MYH3: variants seen among roughly 807,000 people sequenced by gnomAD.
MYH3 encodes the protein myosin-3.
In MYH3, 130 loss-of-function variants were observed where a neutral mutation model predicts 238.0. The ratio of observed to expected loss-of-function variants is 0.55; its 90% CI spans 0.47 to 0.63. The LOEUF is 0.63. Among genes scored for constraint, MYH3 ranks in the 30% least tolerant of loss-of-function variants. MYH3 has a pLI of 0.00. For synonymous variants in MYH3, 880 were observed against 924.1 expected, an observed-to-expected ratio of 0.95 and a Z score of 0.86; for missense variants, 1,853 against 2,374.9, an observed-to-expected ratio of 0.78 and a Z score of 4.57.
chr17:10,663,200 G>T, the MYH3 span, among the ~76,000 whole-genome samples: 1 of 152,314 alleles, frequency 6.6e-6, no homozygotes, highest in Non-Finnish European at 1.5e-5. Context: ...GATACAGATG[G>T]AGACAGCCTG....
intron 36 of MYH3, 107 bp from the exon 37 acceptor site, chr17:10,630,565 A>C (rs2074145953): frequency 3.2e-6 from 5 of 1,541,134 alleles, no homozygotes; most frequent in Non-Finnish European, 4.5e-6. Context: ...AAGAAAAAGG[A>C]CAGGCCAGGC....
In MYH3 at chr17:10,638,037, C is replaced by G; in HGVS notation, c.3729+6G>C. 6.2e-7 allele frequency: 1 copy of G among 1,614,022 alleles called. No individual in the cohort carries two copies. The highest frequency in any genetic ancestry group is 8.5e-7 in the Non-Finnish European group (1 of 1,180,014). ...AGCCTTGAGCCACCCCCACCCCGCG[C>G]AGCACCTTAGATTTCGACACACTCT... On this transcript the variant is annotated splice_donor_region_variant and intron_variant, in intron 27 of 40. Transcript: ENST00000583535.
chr17:10,648,159 C>T (rs1384985497), intron 8 of MYH3, among the ~76,000 whole-genome samples: 3 of 152,108 alleles, frequency 2.0e-5, no homozygotes, highest in Non-Finnish European at 4.4e-5. Flanking sequence ...GGCCCCCCTG[C>T]CCTCCTCCCT....
At chr17:10,639,001 C>A in intron 25 of MYH3, 38 bp from the exon 26 acceptor site, 3 of 1,614,144 alleles carry the variant, frequency 1.9e-6, no homozygotes, top group Non-Finnish European at 2.5e-6. Context: ...AGACAAAATA[C>A]ACAGTAACTT....
At position 10,630,289 on chromosome 17, in the gene MYH3, C is replaced by T; in HGVS notation, c.5456G>A (p.Arg1819Lys). ...AGGCGGGGTTCCTCCTGCACACACC[C>T]TGGTCTCCAGTTTCTGGATCTGCTT... Reference protein sequence around the residue: ...GKKQIQKLETRIRELEFELEG... With the variant: ...GKKQIQKLETKIRELEFELEG... The change falls in exon 37 of 41, where the codon AGG becomes AAG. Residue 1819 changes from arginine (R) to lysine (K), a missense_variant and splice_region_variant. By Grantham distance (26) the Arg-to-Lys change is conservative (BLOSUM62 2). Around this residue, in one of 3 missense-constraint regions of MYH3, gnomAD observed 1,044 missense variants for 1,192.6 expected, o/e 0.88. Coordinates refer to ENST00000583535, the MANE Select transcript of MYH3 (RefSeq NM_002470.4). The T allele has an allele frequency of 6.2e-7, 1 of 1,614,218 alleles. No individual in the cohort carries two copies. Among genetic ancestry groups the T allele is most frequent in the Non-Finnish European group, 8.5e-7 (1 of 1,180,040 alleles).
Position 10,640,308 on chromosome 17 carries a change from T to C in MYH3, c.2426+25A>G, listed in dbSNP as rs199617926. On this transcript the variant is annotated intron_variant, in intron 21 of 40. Coordinates refer to ENST00000583535, the MANE Select transcript of MYH3 (RefSeq NM_002470.4). Reference sequence around the variant, plus strand: ...AGACTCCCCTTCCCCAAAGAGCTCATGTCTGAACAAAGACCCTGCTGGACC... The same window carrying C: ...AGACTCCCCTTCCCCAAAGAGCTCACGTCTGAACAAAGACCCTGCTGGACC... 8 of 1,614,260 alleles carry C rather than the reference T, an allele frequency of 5.0e-6. No homozygotes were observed. The East Asian group carries it at 1.3e-4, about 27-fold the overall frequency.
rs753522046 is a variant in MYH3, at chr17:10,644,503, A to G, written c.1261-3T>C. On this transcript the variant is annotated splice_region_variant and splice_polypyrimidine_tract_variant and intron_variant, in intron 13 of 40. Transcript: ENST00000583535. ...AGAGCATTCACAGCATGGTGAACCT[A>G]TCAGGGGAAAGATCAGCTACTGGAT... The G allele has an allele frequency of 1.2e-5, 19 of 1,614,052 alleles. No individual in the cohort carries two copies. Among genetic ancestry groups the G allele is most frequent in the South Asian group, 4.4e-5 (4 of 91,088 alleles).
upstream of MYH3, among the ~76,000 whole-genome samples, chr17:10,659,568 C>T (rs77485025): frequency 0.17 from 26,327 of 152,114 alleles, 2,842 homozygotes; most frequent in Non-Finnish European, 0.24. Flanking sequence ...CAGAGTGCTC[C>T]ACATGGAGAT....
intron 28 of MYH3, among the ~76,000 whole-genome samples, chr17:10,637,511 A>AGTCT (rs1257158306): frequency 4.6e-5 from 7 of 152,264 alleles, no homozygotes; most frequent in Middle Eastern, 3.4e-3. Context: ...TGCCCATCAG[A>AGTCT]GTCTGTCTGA....
At chr17:10,659,562 G>A (rs1057085163), upstream of MYH3, among the ~76,000 whole-genome samples, 1 of 152,198 alleles carries the variant, frequency 6.6e-6, no homozygotes, top group Non-Finnish European at 1.5e-5. Context: ...AACTTCCAGA[G>A]TGCTCCACAT....
At position 10,654,233 on chromosome 17, in the gene MYH3, CTT is replaced by C. The variant is rs1443975198; in HGVS notation, c.204+626_204+627del. Among the ~76,000 whole-genome samples the C allele has an allele frequency of 6.7e-6, 1 of 150,198 alleles. No individual in the cohort carries two copies. The highest frequency in any genetic ancestry group is 2.1e-4 in the South Asian group (1 of 4,746). On this transcript the variant is annotated intron_variant, in intron 3 of 40. Coordinates refer to ENST00000583535, the MANE Select transcript of MYH3 (RefSeq NM_002470.4). This position sits in a 1 kb window ranked among gnomAD's most constrained non-coding sequence, Gnocchi z 4.5. ...TCCTTCCCTCCATCTCTCTTTCACT[CTT>C]TCTTTCTTTTTTCCTTTTTTTGCTT... is the stretch of plus-strand genomic sequence containing the variant.
rs894606631 is a variant in MYH3 at position 10,639,590 on chromosome 17, A to C, written c.2895T>G (p.Val965=). ...TCTCTGTGGCATGCTTCTCCTTCTC[A>C]ACCTTGGCCAGGGTCAACTCAAGGT... ...IDDLELTLAK[V]EKEKHATENK... is the part of the protein sequence containing the mutation. Residue 965 remains valine, a synonymous_variant, in exon 23 of 41, where the codon GTT becomes GTG. Coordinates refer to ENST00000583535, the MANE Select transcript of MYH3 (RefSeq NM_002470.4). 6.2e-7 allele frequency: 1 copy of C among 1,614,126 alleles called. No homozygotes were observed. Among genetic ancestry groups the C allele is most frequent in the Non-Finnish European group, 8.5e-7 (1 of 1,180,028 alleles).
chr17:10,641,740 T>C (rs1449259687), intron 17 of MYH3, among the ~76,000 whole-genome samples: 1 of 152,156 alleles, frequency 6.6e-6, no homozygotes, highest in African/African-American at 2.4e-5. Context: ...GGTCTCGATC[T>C]TCTGACCTTG....
At chr17:10,663,829 G>A in the MYH3 span, among the ~76,000 whole-genome samples, 519 of 152,182 alleles carry the variant, frequency 3.4e-3, 3 homozygotes, top group African/African-American at 0.012. Context: ...TTGGGAGGCC[G>A]AGACAGGTGG....
At chr17:10,662,502 C>T in the MYH3 span, among the ~76,000 whole-genome samples, 9 of 152,148 alleles carry the variant, frequency 5.9e-5, no homozygotes, top group African/African-American at 1.9e-4. Flanking sequence ...AAGTAGTAGA[C>T]AATATGCAAA....
chr17:10,632,132 TTTG>T, intron 34 of MYH3, 116 bp from the exon 35 acceptor site: 1 of 1,334,782 alleles, frequency 7.5e-7, no homozygotes, highest in Non-Finnish European at 1.0e-6. Context: ...TTTTGTTTTG[TTTG>T]TTTTGAGACA....
the MYH3 span, among the ~76,000 whole-genome samples, chr17:10,664,503 G>C: frequency 6.6e-6 from 1 of 152,196 alleles, no homozygotes; most frequent in African/African-American, 2.4e-5. Context: ...AAGCTGGAAA[G>C]TTTGCAAAGT....
chr17:10,657,632 C>A (rs2074447040), upstream of MYH3, among the ~76,000 whole-genome samples: 2 of 152,012 alleles, frequency 1.3e-5, no homozygotes, highest in African/African-American at 4.8e-5. Flanking sequence ...GCTCATCACA[C>A]CCTGAACGCG....
intron 8 of MYH3, 38 bp downstream of exon 8, chr17:10,648,519 C>A: frequency 6.4e-7 from 1 of 1,563,722 alleles, no homozygotes; most frequent in Non-Finnish European, 8.8e-7. Flanking sequence ...TTTTGTGAGG[C>A]ACAAAGCAAA....
Sources: gnomAD v4.1 joint callset for allele counts (sites outside exome capture counted in the v4.1 genomes callset) on GRCh38, gnomAD v4.1.1 for gene constraint, gnomAD v4.1.1 regional missense constraint, Gnocchi (gnomAD v3.1) non-coding constraint, MANE v1.5 for transcripts, NCBI Gene and HGNC (gene_info 2026-07-23, HGNC 2026-07-21) for gene names.